The following TDRP variants were observed in gnomAD, a reference collection of about 807,000 sequenced individuals.
TDRP encodes the protein testis development related protein.
TDRP carries 12 observed loss-of-function variants against 10.5 expected under a neutral mutation model. The ratio of observed to expected loss-of-function variants is 1.15; its 90% CI spans 0.73 to 1.86. The LOEUF is 1.86. Among genes scored for constraint, TDRP ranks in the 40% most tolerant of loss-of-function variants. The probability of loss-of-function intolerance (pLI) is 0.00; values close to 1 mark genes in which losing one functional copy is unlikely to be tolerated. For missense variants in TDRP, 353 were observed against 229.2 expected (o/e 1.54, Z -3.49); for synonymous variants, 139 against 95.4 (o/e 1.46, Z -2.67).
rs114817957 is a variant in TDRP at position 543,389 on chromosome 8, C to T, written c.108+1261G>A. Among the ~76,000 whole-genome samples, 1,090 of 152,184 alleles carry T rather than the reference C, an allele frequency of 7.2e-3. 6 individuals carry two copies. Among genetic ancestry groups the T allele is most frequent in the South Asian group, 0.015 (72 of 4,818 alleles). On this transcript the variant is annotated intron_variant, in intron 1 of 2. Transcript: ENST00000324079. ...GGAAAAATGGGAGAACATAGGAAGA[C>T]TCAGTTTAAAATTCTCAAGGCTCTA...
intron 1 of TDRP, among the ~76,000 whole-genome samples, chr8:542,230 T>A (rs531567054): frequency 1.2e-4 from 18 of 152,230 alleles, no homozygotes; most frequent in African/African-American, 4.3e-4. Flanking sequence ...CAAAGATCAA[T>A]GTTTGCCAGG....
At chr8:541,367 C>T (rs1802491927) in intron 1 of TDRP, among the ~76,000 whole-genome samples, 1 of 152,172 alleles carries the variant, frequency 6.6e-6, no homozygotes, top group Non-Finnish European at 1.5e-5. Flanking sequence ...ATGGCTTTTT[C>T]AATATAATAC....
In TDRP at chr8:492,455, T is replaced by C; in HGVS notation, c.502A>G (p.Ser168Gly). Residue 168 changes from serine (S) to glycine (G), a missense_variant, in exon 3 of 3, where the codon AGC (serine) becomes GGC (glycine). By Grantham distance (56) the Ser-to-Gly change is moderately conservative. Transcript: ENST00000324079. ...WSLRAAGRLV[S>G]IRRQSKGHLT... The stretch of plus-strand genomic sequence containing the variant: ...TGGCCTTTACTCTGCCGTCGGATGC[T>C]CACCAGCCTCCCTGCCGCGCGCAGG... The C allele has an allele frequency of 6.3e-7, 1 of 1,599,438 alleles. No homozygotes were observed. The highest frequency in any genetic ancestry group is 8.5e-7 in the Non-Finnish European group (1 of 1,169,726).
At chr8:496,112 C>A (rs1380564209) in intron 1 of TDRP, among the ~76,000 whole-genome samples, 1 of 152,176 alleles carries the variant, frequency 6.6e-6, no homozygotes, top group African/African-American at 2.4e-5. Flanking sequence ...ACATCACACA[C>A]TGCACAAAAA....
chr8:499,629 T>G (rs1293402520), intron 1 of TDRP, among the ~76,000 whole-genome samples: 1 of 152,216 alleles, frequency 6.6e-6, no homozygotes, highest in Non-Finnish European at 1.5e-5. Context: ...GATCGAAGTG[T>G]GAGCGTGAGG....
chr8:514,883 C>CA (rs1238725397), intron 1 of TDRP, among the ~76,000 whole-genome samples: 1 of 152,074 alleles, frequency 6.6e-6, no homozygotes, highest in African/African-American at 2.4e-5. Context: ...TTTTCTTTCA[C>CA]GGGGAGGGCT....
At chr8:533,218 A>G (rs17065117) in intron 1 of TDRP, among the ~76,000 whole-genome samples, 24,598 of 152,162 alleles carry the variant, frequency 0.16, 2,181 homozygotes, top group African/African-American at 0.25. Flanking sequence ...CCAGAAGCAC[A>G]TAAGCCTCTC....
intron 1 of TDRP, among the ~76,000 whole-genome samples, chr8:501,508 A>G (rs1420022400): frequency 6.6e-6 from 1 of 151,702 alleles, no homozygotes; most frequent in African/African-American, 2.4e-5. Context: ...CACCACACCC[A>G]GCTAATTTTT....
intron 1 of TDRP, among the ~76,000 whole-genome samples, chr8:525,807 G>A (rs1405871931): frequency 6.6e-6 from 1 of 152,182 alleles, no homozygotes; most frequent in African/African-American, 2.4e-5. Context: ...AATGGCAGGA[G>A]TAAGTCATTA....
chr8:511,956 GA>G (rs1040711663), intron 1 of TDRP, among the ~76,000 whole-genome samples: 72 of 151,908 alleles, frequency 4.7e-4, no homozygotes, highest in African/African-American at 1.5e-3. Flanking sequence ...TGTCTATAAA[GA>G]AAAAAAGATA....
At chr8:539,839 A>G (rs953629676) in intron 1 of TDRP, among the ~76,000 whole-genome samples, 1 of 152,206 alleles carries the variant, frequency 6.6e-6, no homozygotes, top group African/African-American at 2.4e-5. Context: ...ACTTTGTGTC[A>G]TCTAAACTAA....
chr8:490,140 CTTGTGAAGATAATAAAT>C lies in TDRP; in HGVS notation c.*2242_*2258del, dbSNP rs1426577398. On this transcript the variant is annotated 3_prime_UTR_variant, in exon 3 of 3. Transcript: ENST00000324079. ...AATCAAAACCACATTCTCCCATTAA[CTTGTGAAGATAATAAAT>C]TTGCTTTGATAACTTCTTTCAAGAA... is the stretch of plus-strand genomic sequence containing the variant. 3 of 152,186 alleles carry C rather than the reference CTTGTGAAGATAATAAAT, an allele frequency of 2.0e-5. No individual in the cohort carries two copies. Among genetic ancestry groups the C allele is most frequent in the Non-Finnish European group, 4.4e-5 (3 of 68,044 alleles). The allele number at this position is 152,186 out of a possible 1,614,324, so 9.4% of individuals were successfully genotyped here. A position where few individuals can be genotyped will look rare whatever the true frequency, so the allele number is the denominator to read the frequency against.
rs765057403 is a variant in TDRP at position 494,575 on chromosome 8, C to A, written c.131G>T (p.Gly44Val). 2.1e-5 allele frequency: 34 copies of A among 1,613,930 alleles called. No individual in the cohort carries two copies. Among genetic ancestry groups the A allele is most frequent in the Non-Finnish European group, 2.9e-5 (34 of 1,179,876 alleles). The change falls in exon 2 of 3, where the codon GGT (glycine) becomes GTT (valine). Residue 44 changes from glycine (G) to valine (V), a missense_variant. By Grantham distance (109) the Gly-to-Val change is moderately radical. Coordinates refer to ENST00000324079, the MANE Select transcript of TDRP (RefSeq NM_001384899.1). ...QAQVQGASFR[G>V]WKEVTSLFNK... ...AAACAGTGAAGTCACTTCTTTCCAACCTCGGAAACTTGCTCCCTGAACCTA... is the reference window on the plus strand; with the variant it reads ...AAACAGTGAAGTCACTTCTTTCCAAACTCGGAAACTTGCTCCCTGAACCTA...
chr8:511,494 G>A (rs558208787), intron 1 of TDRP, among the ~76,000 whole-genome samples: 4 of 152,088 alleles, frequency 2.6e-5, no homozygotes. Flanking sequence ...GACATAAAGG[G>A]AGAACTAGAA....
chr8:537,424 A>C (rs991617993), intron 1 of TDRP, among the ~76,000 whole-genome samples: 1 of 152,242 alleles, frequency 6.6e-6, no homozygotes, highest in Admixed American at 6.5e-5. Context: ...TAAGTCAGTA[A>C]AAAGCATTAA....
At chr8:501,324 A>G (rs1007815963) in intron 1 of TDRP, among the ~76,000 whole-genome samples, 3 of 152,060 alleles carry the variant, frequency 2.0e-5, no homozygotes, top group African/African-American at 7.2e-5. Context: ...ATTTCATTAT[A>G]AAGCAAATTT....
At chr8:530,503 A>C (rs1802162715) in intron 1 of TDRP, among the ~76,000 whole-genome samples, 1 of 152,180 alleles carries the variant, frequency 6.6e-6, no homozygotes, top group Non-Finnish European at 1.5e-5. Context: ...GTACAGGAGA[A>C]GAACTTCACC....
chr8:517,373 G>A (rs1030670705), intron 1 of TDRP, among the ~76,000 whole-genome samples: 5 of 152,184 alleles, frequency 3.3e-5, no homozygotes, highest in African/African-American at 1.2e-4. Flanking sequence ...TCCTGAACAA[G>A]GAGAGATTAA....
chr8:526,103 G>A (rs902399357), intron 1 of TDRP, among the ~76,000 whole-genome samples: 2 of 152,148 alleles, frequency 1.3e-5, no homozygotes, highest in African/African-American at 2.4e-5. Flanking sequence ...TGTGCCTTTA[G>A]TGAGTAGCCT....
Sources: allele counts gnomAD v4.1 joint callset (sites outside exome capture counted in the v4.1 genomes callset), GRCh38; gene constraint gnomAD v4.1.1; transcripts MANE v1.5; gene names NCBI Gene and HGNC (gene_info 2026-07-23, HGNC 2026-07-21).